PPARGC1A: variants seen among roughly 807,000 people sequenced by gnomAD.
The protein encoded by PPARGC1A is PPARG coactivator 1 alpha, also known as peroxisome proliferator-activated receptor gamma coactivator 1-alpha.
A neutral mutation model predicts 88.7 loss-of-function variants in PPARGC1A; 25 were observed. The observed-to-expected ratio is 0.28, with a 90% CI of 0.21 to 0.39. PPARGC1A has a LOEUF of 0.39. Among genes scored for constraint, PPARGC1A ranks in the 10% least tolerant of loss-of-function variants. The pLI is 1.00. For missense variants in PPARGC1A, 880 were observed against 968.7 expected (o/e 0.91, Z 1.22); for synonymous variants, 363 against 355.6 (o/e 1.02, Z -0.24).
At chr4:24,329,905 G>C in the PPARGC1A span, among the ~76,000 whole-genome samples, 1 of 152,158 alleles carries the variant, frequency 6.6e-6, no homozygotes, top group Non-Finnish European at 1.5e-5. Flanking sequence ...ACTAGGGAGT[G>C]AGTATTCTCT....
At chr4:24,030,550 C>A in the PPARGC1A span, among the ~76,000 whole-genome samples, 1 of 152,178 alleles carries the variant, frequency 6.6e-6, no homozygotes, top group South Asian at 2.1e-4. Flanking sequence ...ATTAATATTT[C>A]CCCGTAATAC....
chr4:24,304,563 C>G, the PPARGC1A span, among the ~76,000 whole-genome samples: 1 of 152,148 alleles, frequency 6.6e-6, no homozygotes, highest in East Asian at 1.9e-4. Flanking sequence ...GATTCAAACC[C>G]AGGTGGTCTG....
chr4:24,076,135 C>T, the PPARGC1A span, among the ~76,000 whole-genome samples: 1 of 152,198 alleles, frequency 6.6e-6, no homozygotes, highest in East Asian at 1.9e-4. Context: ...TCCAGTGCTG[C>T]CGCAATCCTT....
the PPARGC1A span, among the ~76,000 whole-genome samples, chr4:24,001,643 T>G: frequency 1.3e-5 from 2 of 152,224 alleles, no homozygotes; most frequent in Non-Finnish European, 2.9e-5. Flanking sequence ...GATTTTTTTT[T>G]CCTACATCTT....
chr4:24,432,236 G>A, the PPARGC1A span, among the ~76,000 whole-genome samples: 8,029 of 152,246 alleles, frequency 0.053, 252 homozygotes, highest in Middle Eastern at 0.092. Context: ...AGGTGAAGAC[G>A]TTGACCTTAA....
At chr4:23,987,735 T>C in the PPARGC1A span, among the ~76,000 whole-genome samples, 1 of 152,058 alleles carries the variant, frequency 6.6e-6, no homozygotes, top group East Asian at 1.9e-4. Flanking sequence ...TTATTCACCA[T>C]GGTATCCATA....
the PPARGC1A span, among the ~76,000 whole-genome samples, chr4:24,054,308 T>TA: frequency 0.26 from 34,926 of 134,798 alleles, 4,496 homozygotes; most frequent in East Asian, 0.37. Flanking sequence ...ATCCTTCTTG[T>TA]AAAAAAAAAA....
chr4:23,830,078 T>TG (rs1264352664), intron 3 of PPARGC1A, among the ~76,000 whole-genome samples: 1 of 149,456 alleles, frequency 6.7e-6, no homozygotes, highest in East Asian at 2.0e-4. Context: ...GTGTGGGGGG[T>TG]GGGGGAGAAT....
At chr4:24,095,715 C>T in the PPARGC1A span, among the ~76,000 whole-genome samples, 18 of 152,118 alleles carry the variant, frequency 1.2e-4, no homozygotes, top group Non-Finnish European at 2.6e-4. Context: ...ACTTATTTCT[C>T]GCCATTCTGG....
chr4:23,989,153 T>A, the PPARGC1A span, among the ~76,000 whole-genome samples: 1 of 151,960 alleles, frequency 6.6e-6, no homozygotes, highest in East Asian at 1.9e-4. Context: ...TAATGTCCCA[T>A]CATTACAAGA....
chr4:24,149,649 G>A, the PPARGC1A span, among the ~76,000 whole-genome samples: 1 of 152,204 alleles, frequency 6.6e-6, no homozygotes, highest in South Asian at 2.1e-4. Context: ...CTCTTCTAAT[G>A]GTCCAATAGA....
rs542115043 is a variant in PPARGC1A at position 23,824,919 on chromosome 4, T to A, written c.758-411A>T. ...CAGTTGATTTTACTCCTAAAACGTA[T>A]AATTTTATATCTAGCCCTGATAATA... On this transcript the variant is annotated intron_variant, in intron 5 of 12. Coordinates refer to ENST00000264867, the MANE Select transcript of PPARGC1A (RefSeq NM_013261.5). 1.9e-4 allele frequency among the ~76,000 whole-genome samples: 29 copies of A among 152,254 alleles called. No individual in the cohort carries two copies. In the South Asian group the frequency reaches 5.8e-3, roughly 30 times the overall value.
the PPARGC1A span, among the ~76,000 whole-genome samples, chr4:24,466,902 A>C: frequency 7.4e-6 from 1 of 135,660 alleles, no homozygotes; most frequent in African/African-American, 2.9e-5. Context: ...AAAAAAAAAG[A>C]GGAAGGAAGG....
At chr4:23,993,849 A>G in the PPARGC1A span, among the ~76,000 whole-genome samples, 1 of 152,246 alleles carries the variant, frequency 6.6e-6, no homozygotes, top group African/African-American at 2.4e-5. Flanking sequence ...TAAAGGCACA[A>G]TAGTTTCTTG....
At chr4:24,233,330 C>A in the PPARGC1A span, among the ~76,000 whole-genome samples, 7 of 152,144 alleles carry the variant, frequency 4.6e-5, no homozygotes, top group Non-Finnish European at 7.4e-5. Context: ...TCAAAATGCA[C>A]ATTGTACTAA....
chr4:24,155,434 G>A, the PPARGC1A span, among the ~76,000 whole-genome samples: 13 of 151,656 alleles, frequency 8.6e-5, no homozygotes, highest in Non-Finnish European at 1.6e-4. Context: ...ACCAGCCTGG[G>A]CAACATGGCA....
intron 2 of PPARGC1A, among the ~76,000 whole-genome samples, chr4:23,866,731 T>C (rs1192495563): frequency 6.6e-6 from 1 of 152,210 alleles, no homozygotes; most frequent in African/African-American, 2.4e-5. Flanking sequence ...TGAATGCAGA[T>C]AACTGTAATA....
chr4:24,203,299 G>C, the PPARGC1A span, among the ~76,000 whole-genome samples: 1 of 152,182 alleles, frequency 6.6e-6, no homozygotes, highest in Non-Finnish European at 1.5e-5. Flanking sequence ...AGCACTTTGG[G>C]AGGCCAAGGC....
the PPARGC1A span, among the ~76,000 whole-genome samples, chr4:24,230,406 T>C: frequency 1.3e-5 from 2 of 152,120 alleles, no homozygotes; most frequent in Admixed American, 6.5e-5. Context: ...CAGGAGTCAG[T>C]TCCCATCTTA....
Sources: allele counts gnomAD v4.1 joint callset (sites outside exome capture counted in the v4.1 genomes callset), GRCh38; gene constraint gnomAD v4.1.1; transcripts MANE v1.5; gene names NCBI Gene and HGNC (gene_info 2026-07-23, HGNC 2026-07-21).